The following STOM variants were observed in gnomAD, a reference collection of about 807,000 sequenced individuals.
The protein encoded by STOM is erythrocyte band 7 integral membrane protein.
In STOM, 25 loss-of-function variants were observed where a neutral mutation model predicts 30.6. The ratio of observed to expected loss-of-function variants is 0.82; its 90% confidence interval spans 0.60 to 1.14. The LOEUF is 1.14. Ranked by LOEUF, STOM falls within the 50% of genes most tolerant of loss-of-function variation. The pLI, the probability that STOM is intolerant of heterozygous loss-of-function variation, is 0.00. For missense variants in STOM, 292 were observed against 365.2 expected, an observed-to-expected ratio of 0.80 and a Z score of 1.63; for synonymous variants, 118 against 130.8, an observed-to-expected ratio of 0.90 and a Z score of 0.67.
chr9:121,343,856 T>G (rs1291288769), intron 6 of STOM, among the ~76,000 whole-genome samples: 1 of 152,114 alleles, frequency 6.6e-6, no homozygotes, highest in Admixed American at 6.5e-5. Flanking sequence ...TTGAAAAAGC[T>G]CTCTGACAGA....
chr9:121,345,172 G>C (rs533971924), intron 6 of STOM, among the ~76,000 whole-genome samples: 1 of 152,304 alleles, frequency 6.6e-6, no homozygotes, highest in Admixed American at 6.5e-5. Context: ...GTGCATTTCT[G>C]TTAGATTCAT....
intron 6 of STOM, among the ~76,000 whole-genome samples, chr9:121,342,923 A>C (rs1000964651): frequency 1.3e-5 from 2 of 152,218 alleles, no homozygotes; most frequent in African/African-American, 4.8e-5. Flanking sequence ...TCAAATCCCA[A>C]ATCTAACATT....
At chr9:121,361,758 C>T (rs1054355967) in intron 1 of STOM, among the ~76,000 whole-genome samples, 1 of 152,154 alleles carries the variant, frequency 6.6e-6, no homozygotes, top group African/African-American at 2.4e-5. Context: ...GTTGTAAATA[C>T]TACTTTGCCA....
intron 1 of STOM, among the ~76,000 whole-genome samples, chr9:121,364,340 G>A (rs16910566): frequency 0.13 from 19,544 of 152,096 alleles, 1,413 homozygotes; most frequent in Middle Eastern, 0.18. Flanking sequence ...TTAGTTGTTC[G>A]AATGCCCTTA....
intron 1 of STOM, 29 bp downstream of exon 1, chr9:121,370,098 G>T (rs1267178599): frequency 4.6e-6 from 7 of 1,528,348 alleles, no homozygotes; most frequent in African/African-American, 1.4e-5. Flanking sequence ...CTCGGTCCAC[G>T]GGGGAGGGTC....
intron 1 of STOM, among the ~76,000 whole-genome samples, chr9:121,356,401 C>T (rs867982780): frequency 6.6e-6 from 1 of 152,184 alleles, no homozygotes; most frequent in South Asian, 2.1e-4. Context: ...ATTTATTAAG[C>T]ATCTACTATT....
chr9:121,346,313 A>G (rs2064289214), intron 6 of STOM, among the ~76,000 whole-genome samples: 1 of 152,112 alleles, frequency 6.6e-6, no homozygotes, highest in African/African-American at 2.4e-5. Flanking sequence ...TTTAGAGCTA[A>G]CTCTAAGCAG....
At position 121,370,142 on chromosome 9, in the gene STOM, G is replaced by A; in HGVS notation, c.46C>T (p.Pro16Ser). 1.9e-6 allele frequency: 3 copies of A among 1,546,372 alleles called. No homozygotes were observed. Among genetic ancestry groups the A allele is most frequent in the East Asian group, 2.4e-5 (1 of 40,888 alleles). Residue 16 changes from proline to serine, a missense_variant, in exon 1 of 7, where the codon CCC (proline) becomes TCC (serine). Transcript: ENST00000286713. ...CGGGACTCACCCTTGAAGGAGTCGG[G>A]GAGCCGCTGGGCTTCGGAGTCCCGT... The part of the protein sequence containing the change: ...HTRDSEAQRL[P>S]DSFKDSPSKG...
Position 121,340,643 on chromosome 9 carries a change from G to A in STOM, c.*559C>T. ...CATGAGCCTGTAATCCCAGCTACTG[G>A]GGAGGCTGAGGCAGGAGAATCTCTT... On this transcript the variant is annotated 3_prime_UTR_variant, in exon 7 of 7. Coordinates refer to ENST00000286713, the MANE Select transcript of STOM (RefSeq NM_004099.6). 3.0e-6 allele frequency: 2 copies of A among 666,790 alleles called. No individual in the cohort carries two copies. The highest frequency in any genetic ancestry group is 3.7e-6 in the Non-Finnish European group (2 of 539,282). 41.3% of individuals were successfully genotyped at this position (666,790 alleles called of 1,614,324 possible). A position where few individuals can be genotyped will look rare whatever the true frequency, so the allele number is the denominator to read the frequency against.
intron 2 of STOM, among the ~76,000 whole-genome samples, chr9:121,355,070 C>T (rs952971740): frequency 6.6e-6 from 1 of 151,700 alleles, no homozygotes; most frequent in Non-Finnish European, 1.5e-5. Context: ...ACCAGCCTGG[C>T]CAACATGGTG....
chr9:121,340,781 T>A lies in STOM; in HGVS notation c.*421A>T. ...AAAAAAAAAAAAGACTCTCTGGAGGTAAGGCACATATGACCTGGAGAAGCT... is the reference window on the plus strand; with the variant it reads ...AAAAAAAAAAAAGACTCTCTGGAGGAAAGGCACATATGACCTGGAGAAGCT... On this transcript the variant is annotated 3_prime_UTR_variant, in exon 7 of 7. Transcript: ENST00000286713. The A allele has an allele frequency of 1.0e-6, 1 of 997,102 alleles. No individual in the cohort carries two copies. The highest frequency in any genetic ancestry group is 1.2e-6 in the Non-Finnish European group (1 of 838,070). 61.8% of individuals were successfully genotyped at this position (997,102 alleles called of 1,614,324 possible). A position where few individuals can be genotyped will look rare whatever the true frequency, so the allele number is the denominator to read the frequency against.
Position 121,356,057 on chromosome 9 carries a change from A to T in STOM, c.161T>A (p.Ile54Lys). The change falls in exon 2 of 7, where the codon ATA becomes AAA. Residue 54 changes from isoleucine to lysine, a missense_variant. Transcript: ENST00000286713. ...AGTGAATGAAATGTTCTTTACCTTTATGCACATCCATATTGAGATTGGGAA... is the reference window on the plus strand; with the variant it reads ...AGTGAATGAAATGTTCTTTACCTTTTTGCACATCCATATTGAGATTGGGAA... ...ITFPISIWMC[I>K]KIIKEYERAI... The T allele has an allele frequency of 6.2e-7, 1 of 1,613,800 alleles. No individual in the cohort carries two copies. Among genetic ancestry groups the T allele is most frequent in the African/African-American group, 1.3e-5 (1 of 75,034 alleles).
intron 6 of STOM, among the ~76,000 whole-genome samples, chr9:121,344,438 C>T (rs1262773669): frequency 1.3e-5 from 2 of 152,156 alleles, no homozygotes; most frequent in Non-Finnish European, 2.9e-5. Context: ...AAGCCAGACC[C>T]ACCGGGCTGG....
chr9:121,368,966 C>A (rs1418550766), intron 1 of STOM, among the ~76,000 whole-genome samples: 2 of 151,886 alleles, frequency 1.3e-5, no homozygotes, highest in Non-Finnish European at 2.9e-5. Flanking sequence ...GGAGCCTGAC[C>A]TATTTAGTTT....
intron 1 of STOM, among the ~76,000 whole-genome samples, chr9:121,361,088 A>T (rs1318059798): frequency 6.6e-6 from 1 of 152,176 alleles, no homozygotes; most frequent in Non-Finnish European, 1.5e-5. Flanking sequence ...CTGAGACTGA[A>T]ATCTGATGTT....
At chr9:121,355,313 G>A (rs1207295484) in intron 2 of STOM, among the ~76,000 whole-genome samples, 1 of 149,796 alleles carries the variant, frequency 6.7e-6, no homozygotes. Context: ...GCTTGAACCT[G>A]GGAGGCGGAG....
chr9:121,351,063 C>A (rs566605751), intron 4 of STOM, among the ~76,000 whole-genome samples: 19 of 152,222 alleles, frequency 1.2e-4, no homozygotes, highest in African/African-American at 4.6e-4. Context: ...GGGTTTATCT[C>A]CCTTCACAGA....
At chr9:121,366,048 G>A in intron 1 of STOM, 1 of 883,084 alleles carries the variant, frequency 1.1e-6, no homozygotes, top group Middle Eastern at 5.7e-4. Flanking sequence ...AGTGATGGTA[G>A]GGTGATCTCA....
At chr9:121,364,455 A>G (rs1299907074) in intron 1 of STOM, among the ~76,000 whole-genome samples, 1 of 152,164 alleles carries the variant, frequency 6.6e-6, no homozygotes, top group Non-Finnish European at 1.5e-5. Flanking sequence ...TTTCCTCCCT[A>G]TTAAAATCCA....
Sources: allele counts gnomAD v4.1 joint callset (sites outside exome capture counted in the v4.1 genomes callset), GRCh38; gene constraint gnomAD v4.1.1; transcripts MANE v1.5; gene names NCBI Gene and HGNC (gene_info 2026-07-23, HGNC 2026-07-21).